The following IL1RAPL2 variants were observed in gnomAD, a reference collection of about 807,000 sequenced individuals.
IL1RAPL2 encodes the protein interleukin 1 receptor accessory protein like 2, also known as X-linked interleukin-1 receptor accessory protein-like 2.
IL1RAPL2 carries 3 observed loss-of-function variants against 44.1 expected under a neutral mutation model. The observed-to-expected ratio is 0.07, with a 90% CI of 0.03 to 0.18. The LOEUF (loss-of-function observed/expected upper bound fraction) is 0.18, where lower values mean the gene tolerates loss of function less well. Among genes scored for constraint, IL1RAPL2 ranks in the 10% least tolerant of loss-of-function variants. The pLI is 1.00. For missense variants in IL1RAPL2, 391 were observed against 496.4 expected, an observed-to-expected ratio of 0.79 and a Z score of 2.02; for synonymous variants, 181 against 178.8, an observed-to-expected ratio of 1.01 and a Z score of -0.10.
At chrX:104,800,595 A>C (rs1471092931) in intron 2 of IL1RAPL2, among the ~76,000 whole-genome samples, 1 of 112,629 alleles carries the variant, frequency 8.9e-6, no homozygotes, top group Non-Finnish European at 1.9e-5. Flanking sequence ...ATTCACTTAG[A>C]GGTATGACTA....
chrX:105,162,370 A>G (rs1453622284), intron 2 of IL1RAPL2, among the ~76,000 whole-genome samples: 1 of 112,280 alleles, frequency 8.9e-6, no homozygotes, highest in African/African-American at 3.2e-5. Flanking sequence ...AATATTATTC[A>G]GAGTATATGT....
At chrX:105,553,925 C>T (rs2075720255) in intron 6 of IL1RAPL2, among the ~76,000 whole-genome samples, 1 of 112,848 alleles carries the variant, frequency 8.9e-6, no homozygotes. Context: ...CAGGTCCTTT[C>T]CCAATTTTGA....
At chrX:105,605,921 T>C (rs1268812882) in intron 6 of IL1RAPL2, among the ~76,000 whole-genome samples, 1 of 111,949 alleles carries the variant, frequency 8.9e-6, no homozygotes, top group Non-Finnish European at 1.9e-5. Context: ...ACTCAACCTC[T>C]ATCTTTCACC....
At chrX:105,415,367 G>T (rs2035725678) in intron 5 of IL1RAPL2, among the ~76,000 whole-genome samples, 1 of 111,194 alleles carries the variant, frequency 9.0e-6, no homozygotes, top group Admixed American at 9.5e-5. Flanking sequence ...CATATAATAG[G>T]AAGTCAGACT....
intron 5 of IL1RAPL2, among the ~76,000 whole-genome samples, chrX:105,349,454 C>A (rs903942102): frequency 3.6e-5 from 4 of 111,550 alleles, no homozygotes; most frequent in African/African-American, 1.3e-4. Context: ...ATGTTTCTCT[C>A]TAATAGTTCA....
intron 6 of IL1RAPL2, among the ~76,000 whole-genome samples, chrX:105,679,578 T>C (rs1247120671): frequency 9.0e-6 from 1 of 111,634 alleles, no homozygotes; most frequent in Non-Finnish European, 1.9e-5. Context: ...ACAGACAGAG[T>C]AGAATTTATA....
At chrX:105,268,724 C>T (rs1006930971) in intron 5 of IL1RAPL2, among the ~76,000 whole-genome samples, 3 of 111,213 alleles carry the variant, frequency 2.7e-5, no homozygotes, top group Non-Finnish European at 5.7e-5. Context: ...GCTGAAATCA[C>T]GCCACTTCAC....
intron 8 of IL1RAPL2, among the ~76,000 whole-genome samples, chrX:105,743,958 A>T (rs2038520263): frequency 8.9e-6 from 1 of 111,880 alleles, no homozygotes; most frequent in African/African-American, 3.2e-5. Flanking sequence ...TCCCAGGAAA[A>T]TACTGAATTT....
chrX:105,357,185 C>A (rs1368619048), intron 5 of IL1RAPL2, among the ~76,000 whole-genome samples: 2 of 111,034 alleles, frequency 1.8e-5, no homozygotes, highest in African/African-American at 6.5e-5. Context: ...GTCTTTCTTT[C>A]TCTTCTTATA....
chrX:105,707,656 G>GTT (rs1170453495), intron 6 of IL1RAPL2, among the ~76,000 whole-genome samples: 5 of 111,939 alleles, frequency 4.5e-5, no homozygotes, highest in African/African-American at 1.6e-4. Context: ...CTTCAAACAA[G>GTT]TTAACTTCTT....
At chrX:105,423,871 A>C (rs1282310658) in intron 5 of IL1RAPL2, among the ~76,000 whole-genome samples, 1 of 110,349 alleles carries the variant, frequency 9.1e-6, no homozygotes, top group East Asian at 2.8e-4. Flanking sequence ...AACAAGTAAA[A>C]AAAAAAAAAA....
At chrX:105,479,554 A>G (rs1402547560) in intron 5 of IL1RAPL2, among the ~76,000 whole-genome samples, 1 of 109,208 alleles carries the variant, frequency 9.2e-6, no homozygotes, top group African/African-American at 3.3e-5. Context: ...AGCCTGACCA[A>G]CATGGAGAAA....
chrX:105,218,906 T>A, intron 3 of IL1RAPL2: 10 of 965,225 alleles, frequency 1.0e-5, no homozygotes, highest in East Asian at 3.5e-5. Flanking sequence ...GCCTGCCCTC[T>A]GAAAATTAAT....
chrX:104,808,356 G>A (rs1359030551), intron 2 of IL1RAPL2, among the ~76,000 whole-genome samples: 2 of 111,386 alleles, frequency 1.8e-5, no homozygotes, highest in Non-Finnish European at 3.8e-5. Flanking sequence ...TTTCATAAAT[G>A]GGGACACTAA....
chrX:105,296,688 G>A (rs2034656608), intron 5 of IL1RAPL2, among the ~76,000 whole-genome samples: 1 of 112,253 alleles, frequency 8.9e-6, no homozygotes, highest in Non-Finnish European at 1.9e-5. Flanking sequence ...AAGAGCACTG[G>A]GCTAGGAATC....
rs980113246 is a variant in IL1RAPL2 at position 105,489,051 on chromosome X, A to G, written c.772+4664A>G. On this transcript the variant is annotated intron_variant, in intron 6 of 10. Transcript: ENST00000372582. The stretch of plus-strand genomic sequence containing the variant: ...CTGAAAGAAGATGAATCTTTACCAA[A>G]TAACCATATATTTTGAGATGATAAA... 3.6e-5 allele frequency among the ~76,000 whole-genome samples: 4 copies of G among 112,095 alleles called. No homozygotes were observed. In the Admixed American group the frequency reaches 3.8e-4, roughly 11 times the overall value.
At chrX:104,669,647 G>A (rs1199724898) in intron 2 of IL1RAPL2, among the ~76,000 whole-genome samples, 1 of 111,475 alleles carries the variant, frequency 9.0e-6, no homozygotes, top group Non-Finnish European at 1.9e-5. Flanking sequence ...GAATCTGTTG[G>A]TTTTTTGTTC....
At chrX:105,438,950 C>T (rs981553441) in intron 5 of IL1RAPL2, among the ~76,000 whole-genome samples, 1 of 110,393 alleles carries the variant, frequency 9.1e-6, no homozygotes, top group Non-Finnish European at 1.9e-5. Flanking sequence ...ATCATGGGGG[C>T]GGTTTCCCCC....
chrX:105,181,899 C>T (rs1342471113), intron 2 of IL1RAPL2, among the ~76,000 whole-genome samples: 1 of 108,482 alleles, frequency 9.2e-6, no homozygotes, highest in Non-Finnish European at 1.9e-5. Flanking sequence ...CCCGTCTCTA[C>T]TAAAAATAGA....
Sources: allele counts gnomAD v4.1 joint callset (sites outside exome capture counted in the v4.1 genomes callset), GRCh38; gene constraint gnomAD v4.1.1; transcripts MANE v1.5; gene names NCBI Gene and HGNC (gene_info 2026-07-23, HGNC 2026-07-21).